INPP4A: variants seen among roughly 807,000 people sequenced by gnomAD.
INPP4A encodes the protein inositol polyphosphate-4-phosphatase type I A, also known as inositol polyphosphate-4-phosphatase, type I, 107kD.
A neutral mutation model predicts 119.8 loss-of-function variants in INPP4A; 33 were observed. The observed-to-expected ratio is 0.28, with a 90% CI of 0.21 to 0.37. The LOEUF is 0.37. Among genes scored for constraint, INPP4A ranks in the 10% least tolerant of loss-of-function variants. The pLI, the probability that INPP4A is intolerant of heterozygous loss-of-function variation, is 1.00. For missense variants in INPP4A, 956 were observed against 1,289.9 expected, an observed-to-expected ratio of 0.74 and a Z score of 3.97; for synonymous variants, 496 against 500.7, an observed-to-expected ratio of 0.99 and a Z score of 0.12.
intron 10 of INPP4A, among the ~76,000 whole-genome samples, chr2:98,540,052 C>G (rs958416834): frequency 1.3e-5 from 2 of 152,162 alleles, no homozygotes; most frequent in African/African-American, 4.8e-5. Flanking sequence ...CTGCCTCAGC[C>G]TCTGAAGTAG....
At chr2:98,488,986 A>G (rs1186522789) in intron 1 of INPP4A, among the ~76,000 whole-genome samples, 1 of 107,292 alleles carries the variant, frequency 9.3e-6, no homozygotes, top group African/African-American at 3.8e-5. Flanking sequence ...TGTGTGTGTA[A>G]ATGGTGTAGT....
At chr2:98,505,807 A>G (rs1005003363) in intron 1 of INPP4A, among the ~76,000 whole-genome samples, 3 of 152,250 alleles carry the variant, frequency 2.0e-5, no homozygotes, top group East Asian at 3.8e-4. Flanking sequence ...CAATATTTAT[A>G]GAATCCCTGT....
At chr2:98,478,334 G>A (rs143679350) in intron 1 of INPP4A, among the ~76,000 whole-genome samples, 1 of 152,126 alleles carries the variant, frequency 6.6e-6, no homozygotes, top group East Asian at 1.9e-4. Flanking sequence ...GATTCCTGTC[G>A]CTTGGGACCA....
At chr2:98,521,837 G>A (rs1241467393) in intron 4 of INPP4A, 1 of 152,014 alleles carries the variant, frequency 6.6e-6, no homozygotes, top group Non-Finnish European at 1.5e-5. Context: ...TAAGGAGGCT[G>A]AGGTGGAAGG....
chr2:98,501,520 G>T (rs1001123950), intron 1 of INPP4A, among the ~76,000 whole-genome samples: 6 of 151,926 alleles, frequency 3.9e-5, no homozygotes, highest in African/African-American at 1.2e-4. Context: ...AGAATGTTGA[G>T]GTCAAGAACC....
chr2:98,581,852 A>G, intron 24 of INPP4A: 1 of 1,467,672 alleles, frequency 6.8e-7, no homozygotes, highest in African/African-American at 1.4e-5. Context: ...GAATGTGTCA[A>G]ACCGTGGTCT....
intron 1 of INPP4A, among the ~76,000 whole-genome samples, chr2:98,463,953 C>T (rs955956114): frequency 2.0e-5 from 3 of 152,200 alleles, no homozygotes; most frequent in African/African-American, 7.2e-5. Context: ...TTAGGGTACA[C>T]GGTCTCCACC....
chr2:98,553,112 G>C, intron 14 of INPP4A, 143 bp downstream of exon 14: 2 of 689,780 alleles, frequency 2.9e-6, no homozygotes, highest in South Asian at 1.9e-5. Context: ...GGTCCATTTC[G>C]CACAAAGGCC....
At chr2:98,481,526 T>C (rs1354573595) in intron 1 of INPP4A, among the ~76,000 whole-genome samples, 1 of 152,210 alleles carries the variant, frequency 6.6e-6, no homozygotes, top group East Asian at 1.9e-4. Context: ...GGCTGGCATA[T>C]GTTTTAGCTA....
At chr2:98,544,453 T>C (rs1460535992) in intron 11 of INPP4A, among the ~76,000 whole-genome samples, 1 of 152,230 alleles carries the variant, frequency 6.6e-6, no homozygotes, top group Non-Finnish European at 1.5e-5. Flanking sequence ...AAAGAGTCAG[T>C]GGTAACTTCT....
intron 24 of INPP4A, 49 bp downstream of exon 24, chr2:98,577,192 A>T: frequency 6.6e-7 from 1 of 1,520,308 alleles, no homozygotes; most frequent in Non-Finnish European, 8.9e-7. Flanking sequence ...GGCCCGTGTA[A>T]ACTGCAGATG....
intron 16 of INPP4A, 118 bp downstream of exon 16, chr2:98,555,926 C>A: frequency 7.8e-7 from 1 of 1,284,354 alleles, no homozygotes; most frequent in Non-Finnish European, 1.1e-6. Context: ...GGAGGGCTGC[C>A]AGGTGGAGCG....
intron 1 of INPP4A, among the ~76,000 whole-genome samples, chr2:98,499,452 G>A (rs1190141622): frequency 6.6e-6 from 1 of 152,182 alleles, no homozygotes; most frequent in African/African-American, 2.4e-5. Flanking sequence ...TCTGCAGAAT[G>A]CTATATTTGT....
intron 1 of INPP4A, among the ~76,000 whole-genome samples, chr2:98,457,978 A>AAT (rs780756475): frequency 9.0e-4 from 123 of 137,164 alleles, no homozygotes; most frequent in African/African-American, 3.2e-3. Context: ...TTAAACAAAA[A>AAT]TTTTTTTTTT....
chr2:98,551,501 G>C (rs944381990), intron 13 of INPP4A, among the ~76,000 whole-genome samples: 1 of 152,074 alleles, frequency 6.6e-6, no homozygotes, highest in Non-Finnish European at 1.5e-5. Flanking sequence ...TTTGGTTTTC[G>C]GTTTTTGCAT....
chr2:98,538,790 A>G (rs1472388242), intron 8 of INPP4A, 101 bp from the exon 9 acceptor site: 2 of 704,846 alleles, frequency 2.8e-6, no homozygotes, highest in Non-Finnish European at 5.1e-6. Context: ...TATTCATCTT[A>G]AGACTTCTGT....
intron 1 of INPP4A, among the ~76,000 whole-genome samples, chr2:98,516,164 T>G (rs1024971148): frequency 4.6e-5 from 7 of 152,164 alleles, no homozygotes; most frequent in African/African-American, 1.7e-4. Flanking sequence ...GAATCCTTGG[T>G]GAATTACCTT....
Position 98,475,097 on chromosome 2 carries a change from T to G in INPP4A, c.-166+30012T>G, listed in dbSNP as rs139511474. 3.5e-3 allele frequency among the ~76,000 whole-genome samples: 526 copies of G among 152,232 alleles called. 8 individuals are homozygous for G. Among genetic ancestry groups the G allele is most frequent in the African/African-American group, 0.012 (486 of 41,512 alleles). On this transcript the variant is annotated intron_variant, in intron 1 of 24. Coordinates refer to ENST00000409851, the MANE Select transcript of INPP4A (RefSeq NM_001134225.2). ...CTTTACAGGGAAATTGCTGTTTAAA[T>G]TGGTCATGTAGCATGAGTACAAATT...
chr2:98,529,095 A>T (rs960456975), intron 4 of INPP4A, among the ~76,000 whole-genome samples: 8 of 148,634 alleles, frequency 5.4e-5, no homozygotes, highest in Non-Finnish European at 9.0e-5. Flanking sequence ...AAAAAAAAAA[A>T]TTTCTATTCA....
Sources: allele counts gnomAD v4.1 joint callset (sites outside exome capture counted in the v4.1 genomes callset), GRCh38; gene constraint gnomAD v4.1.1; transcripts MANE v1.5; gene names NCBI Gene and HGNC (gene_info 2026-07-23, HGNC 2026-07-21).